PPM1E: variants seen among roughly 807,000 people sequenced by gnomAD.
PPM1E encodes the protein protein phosphatase, Mg2+/Mn2+ dependent 1E, also known as protein phosphatase 1E.
A neutral mutation model predicts 65.9 loss-of-function variants in PPM1E; 20 were observed. The ratio of observed to expected loss-of-function variants is 0.30; its 90% confidence interval spans 0.21 to 0.44. The LOEUF (loss-of-function observed/expected upper bound fraction) is 0.44. PPM1E is among the 20% of genes least tolerant of loss of function. The probability of loss-of-function intolerance (pLI) is 1.00; values close to 1 mark genes in which losing one functional copy is unlikely to be tolerated. For synonymous variants in PPM1E, 352 were observed against 374.9 expected (o/e 0.94, Z 0.70); for missense variants, 713 against 953.1 (o/e 0.75, Z 3.32).
chr17:58,882,774 C>G (rs1381603955), intron 1 of PPM1E, among the ~76,000 whole-genome samples: 2 of 152,076 alleles, frequency 1.3e-5, no homozygotes, highest in East Asian at 3.9e-4. Flanking sequence ...TCATAATGTT[C>G]CACAGAGGTT....
At chr17:58,891,832 CTTTTTT>C (rs5821250) in intron 1 of PPM1E, among the ~76,000 whole-genome samples, 2 of 85,496 alleles carry the variant, frequency 2.3e-5, no homozygotes, top group African/African-American at 4.8e-5. Context: ...TTTTCTTTTT[CTTTTTT>C]TTTTTTTTTT....
chr17:58,895,853 C>T (rs2051406824), intron 1 of PPM1E, among the ~76,000 whole-genome samples: 1 of 149,546 alleles, frequency 6.7e-6, no homozygotes, highest in African/African-American at 2.5e-5. Context: ...CGCCTGTAAT[C>T]CCAGCACTTT....
chr17:58,896,192 G>A (rs1372158730), intron 1 of PPM1E, among the ~76,000 whole-genome samples: 1 of 151,968 alleles, frequency 6.6e-6, no homozygotes, highest in Non-Finnish European at 1.5e-5. Context: ...GGTCTGAAGA[G>A]AAGATTGAAC....
rs1598725587 is a variant in PPM1E, at chr17:58,983,194, T to C, written c.*2163T>C. 2.8e-6 allele frequency: 1 copy of C among 351,728 alleles called. No individual in the cohort carries two copies. The highest frequency in any genetic ancestry group is 4.5e-5 in the East Asian group (1 of 22,034). 21.8% of individuals were successfully genotyped at this position (351,728 alleles called of 1,614,324 possible). On this transcript the variant is annotated 3_prime_UTR_variant, in exon 7 of 7. Transcript: ENST00000308249. ...CCGACTACACAGCAGTGTTAACTCA[T>C]TTCTCATGCCATTAGCTCTCTACAA...
chr17:58,768,980 A>T (rs970786459), intron 1 of PPM1E, among the ~76,000 whole-genome samples: 1 of 152,106 alleles, frequency 6.6e-6, no homozygotes, highest in African/African-American at 2.4e-5. Flanking sequence ...ATTGCTGTTT[A>T]TTAAAAACAT....
Position 58,983,098 on chromosome 17 carries a change from TG to T in PPM1E, c.*2071del, listed in dbSNP as rs1427918816. On this transcript the variant is annotated 3_prime_UTR_variant, in exon 7 of 7. Transcript: ENST00000308249. Reference sequence around the variant, plus strand: ...TACTACACATGCTAGGCTTTCTCAGTGGGGAAAAAAATGGCTGGATAGAACT... The same window carrying T: ...TACTACACATGCTAGGCTTTCTCAGTGGGAAAAAAATGGCTGGATAGAACT... 1.7e-6 allele frequency: 1 copy of T among 575,258 alleles called. No individual in the cohort carries two copies. Among genetic ancestry groups the T allele is most frequent in the Non-Finnish European group, 3.0e-6 (1 of 334,056 alleles). The allele number at this position is 575,258 out of a possible 1,614,324, so 35.6% of individuals were successfully genotyped here.
intron 1 of PPM1E, among the ~76,000 whole-genome samples, chr17:58,823,994 T>C (rs1194087317): frequency 6.6e-6 from 1 of 152,126 alleles, no homozygotes; most frequent in Non-Finnish European, 1.5e-5. Context: ...CCTCCCAAAG[T>C]GCTGGAATTA....
intron 1 of PPM1E, among the ~76,000 whole-genome samples, chr17:58,793,257 T>TACTAC (rs1158781067): frequency 2.6e-5 from 4 of 152,102 alleles, no homozygotes; most frequent in Non-Finnish European, 5.9e-5. Flanking sequence ...ACTACATGTA[T>TACTAC]ATGTAATATA....
At chr17:58,768,883 G>A (rs2049908359) in intron 1 of PPM1E, among the ~76,000 whole-genome samples, 1 of 152,068 alleles carries the variant, frequency 6.6e-6, no homozygotes, top group African/African-American at 2.4e-5. Context: ...TGGTCAGGCT[G>A]GTCTTGGACT....
Position 58,818,653 on chromosome 17 carries a change from A to T in PPM1E, c.464+62192A>T, listed in dbSNP as rs1218686246. Among the ~76,000 whole-genome samples the T allele has an allele frequency of 2.0e-5, 3 of 152,320 alleles. No individual in the cohort carries two copies. In the East Asian group the frequency reaches 5.8e-4, roughly 29 times the overall value. On this transcript the variant is annotated intron_variant, in intron 1 of 6. Coordinates refer to ENST00000308249, the MANE Select transcript of PPM1E (RefSeq NM_014906.5). ...GTACTGGCAACCCATATATGAGCCAATGATAATTAGATCACCTAGATCTTG... is the reference window on the plus strand; with the variant it reads ...GTACTGGCAACCCATATATGAGCCATTGATAATTAGATCACCTAGATCTTG...
At chr17:58,765,953 G>A (rs562433662) in intron 1 of PPM1E, among the ~76,000 whole-genome samples, 159 of 138,000 alleles carry the variant, frequency 1.2e-3, no homozygotes, top group African/African-American at 2.1e-3. Context: ...CAGTCTCGGC[G>A]CACTGCAACC....
intron 1 of PPM1E, among the ~76,000 whole-genome samples, chr17:58,866,509 C>A (rs1254621559): frequency 6.6e-6 from 1 of 152,220 alleles, no homozygotes; most frequent in Non-Finnish European, 1.5e-5. Context: ...GCAACTGTTT[C>A]CATAGACCCT....
rs201271726 is a variant in PPM1E, at chr17:58,980,662, T to C, written c.1899T>C (p.Gly633=). The C allele has an allele frequency of 6.8e-6, 11 of 1,614,028 alleles. No individual in the cohort carries two copies. The highest frequency in any genetic ancestry group is 5.9e-6 in the Non-Finnish European group (7 of 1,180,032). ...AGEFPTAFNL[G]STGEQIYRMQ... is the part of the protein sequence containing the mutation. ...AGTTTCCCACTGCTTTCAATTTGGG[T>C]TCAACAGGGGAGCAGATATACAGAA... is the stretch of plus-strand genomic sequence containing the variant. The change falls in exon 7 of 7, where the codon GGT becomes GGC. Residue 633 remains glycine, a synonymous_variant. Transcript: ENST00000308249. This position sits in a 1 kb window ranked among gnomAD's most constrained non-coding sequence, Gnocchi z 4.7.
chr17:58,885,105 G>A (rs932424838), intron 1 of PPM1E, among the ~76,000 whole-genome samples: 3 of 151,998 alleles, frequency 2.0e-5, no homozygotes, highest in Admixed American at 6.6e-5. Context: ...TGCCCAGGCC[G>A]GAGTGCAGTG....
chr17:58,790,684 G>A (rs996864061), intron 1 of PPM1E, among the ~76,000 whole-genome samples: 1 of 152,046 alleles, frequency 6.6e-6, no homozygotes, highest in Non-Finnish European at 1.5e-5. Flanking sequence ...ACATGGAGAG[G>A]CCTTGTGTAG....
intron 1 of PPM1E, among the ~76,000 whole-genome samples, chr17:58,880,337 T>G (rs2143386330): frequency 1.3e-5 from 2 of 152,102 alleles, no homozygotes; most frequent in South Asian, 4.2e-4. Flanking sequence ...TATGTCAGAG[T>G]GGTATATTTT....
intron 1 of PPM1E, among the ~76,000 whole-genome samples, chr17:58,872,477 A>G (rs1303816256): frequency 2.6e-5 from 4 of 152,220 alleles, no homozygotes; most frequent in Non-Finnish European, 5.9e-5. Context: ...AGTGACAGAT[A>G]TCACTGGAGG....
rs543769284 is a variant in PPM1E at position 58,827,880 on chromosome 17, C to T, written c.464+71419C>T. On this transcript the variant is annotated intron_variant, in intron 1 of 6. Coordinates refer to ENST00000308249, the MANE Select transcript of PPM1E (RefSeq NM_014906.5). Reference sequence around the variant, plus strand: ...TCGTGCCAGTGCACTCCAACCTGGGCGACAGAGCGAGACTCCATCTCAAAA... The same window carrying T: ...TCGTGCCAGTGCACTCCAACCTGGGTGACAGAGCGAGACTCCATCTCAAAA... 6.0e-5 allele frequency among the ~76,000 whole-genome samples: 8 copies of T among 134,050 alleles called. No homozygotes were observed. In the East Asian group the frequency reaches 1.7e-3, roughly 28 times the overall value. The allele number at this position is 134,050 out of a possible 152,430, so 87.9% of individuals were successfully genotyped here. A position where few individuals can be genotyped will look rare whatever the true frequency, so the allele number is the denominator to read the frequency against.
chr17:58,756,247 G>A lies in PPM1E; in HGVS notation c.250G>A (p.Asp84Asn). The part of the protein sequence containing the change: ...AATEEGDQEQ[D>N]PEPEEEAAVE... The stretch of plus-strand genomic sequence containing the variant: ...GACGGAGGAGGGGGACCAGGAGCAA[G>A]ACCCGGAGCCCGAGGAGGAGGCGGC... Residue 84 changes from aspartate to asparagine, a missense_variant, in exon 1 of 7, where the codon GAC (aspartate) becomes AAC (asparagine). Coordinates refer to ENST00000308249, the MANE Select transcript of PPM1E (RefSeq NM_014906.5). 15 of 1,551,692 alleles carry A rather than the reference G, an allele frequency of 9.7e-6. No individual in the cohort carries two copies. The highest frequency in any genetic ancestry group is 1.3e-5 in the Non-Finnish European group (15 of 1,147,280).
Sources: gnomAD v4.1 joint callset for allele counts (sites outside exome capture counted in the v4.1 genomes callset) on GRCh38, gnomAD v4.1.1 for gene constraint, Gnocchi (gnomAD v3.1) non-coding constraint, MANE v1.5 for transcripts, NCBI Gene and HGNC (gene_info 2026-07-23, HGNC 2026-07-21) for gene names.